SYNE3: variants seen among roughly 807,000 people sequenced by gnomAD.
SYNE3 encodes nesprin-3.
SYNE3 carries 100 observed loss-of-function variants against 111.2 expected under a neutral mutation model. The observed-to-expected ratio is 0.90, with a 90% confidence interval of 0.77 to 1.06. SYNE3 has a LOEUF of 1.06. Ranked by LOEUF, SYNE3 falls within the 50% of genes least tolerant of loss-of-function variation. The probability of loss-of-function intolerance (pLI) is 0.00; values close to 1 mark genes in which losing one functional copy is unlikely to be tolerated. For synonymous variants in SYNE3, 547 were observed against 533.9 expected (o/e 1.02, Z -0.34); for missense variants, 1,160 against 1,240.3 (o/e 0.94, Z 0.97).
Position 95,457,275 on chromosome 14 carries a change from C to G in SYNE3, c.691G>C (p.Glu231Gln), listed in dbSNP as rs770117088. 6 of 1,614,104 alleles carry G rather than the reference C, an allele frequency of 3.7e-6. No individual in the cohort carries two copies. Reference sequence around the variant, plus strand: ...ACCGCCTTCAGCCACAGTTGGAACTCGTCCACACCTGCCTGGTACTCCTCA... The same window carrying G: ...ACCGCCTTCAGCCACAGTTGGAACTGGTCCACACCTGCCTGGTACTCCTCA... ...EHEEYQAGVDEFQLWLKAVVE... is the reference protein window; with the variant it reads ...EHEEYQAGVDQFQLWLKAVVE... Residue 231 changes from glutamate (E) to glutamine (Q), a missense_variant, in exon 5 of 18, where the codon GAG becomes CAG. Transcript: ENST00000682763.
Position 95,466,180 on chromosome 14 carries a change from G to A in SYNE3, c.378C>T (p.Tyr126=). Reference sequence around the variant, plus strand: ...TGACCATCATCTTCTGGAACCAGCGGTAGAACTCATCTCGGGCCAGCAGGT... The same window carrying A: ...TGACCATCATCTTCTGGAACCAGCGATAGAACTCATCTCGGGCCAGCAGGT... The part of the protein sequence containing the change: ...SEYLLARDEF[Y]RWFQKMMVTL... The change falls in exon 4 of 18, where the codon TAC becomes TAT. Residue 126 remains tyrosine (Y), a synonymous_variant. Coordinates refer to ENST00000682763, the MANE Select transcript of SYNE3 (RefSeq NM_152592.6). 6.3e-7 allele frequency: 1 copy of A among 1,598,982 alleles called. No homozygotes were observed. Among genetic ancestry groups the A allele is most frequent in the South Asian group, 1.1e-5 (1 of 90,692 alleles).
At chr14:95,471,268 G>A (rs1466020645) in intron 2 of SYNE3, among the ~76,000 whole-genome samples, 1 of 152,216 alleles carries the variant, frequency 6.6e-6, no homozygotes, top group Non-Finnish European at 1.5e-5. Context: ...ACACCCAGAA[G>A]GAGCAGCCAG....
chr14:95,510,511 C>A (rs1890684231), intron 1 of SYNE3, among the ~76,000 whole-genome samples: 1 of 152,302 alleles, frequency 6.6e-6, no homozygotes, highest in East Asian at 1.9e-4. Context: ...TCAAAATGTG[C>A]AGCACTTGGT....
At chr14:95,480,419 C>G (rs150045268) in intron 1 of SYNE3, among the ~76,000 whole-genome samples, 2 of 152,132 alleles carry the variant, frequency 1.3e-5, no homozygotes, top group Non-Finnish European at 2.9e-5. Flanking sequence ...TGGAAACCCC[C>G]GAGCTGGGGC....
intron 8 of SYNE3, among the ~76,000 whole-genome samples, chr14:95,447,946 T>C (rs1886816978): frequency 2.6e-5 from 4 of 152,104 alleles, no homozygotes; most frequent in African/African-American, 9.7e-5. Context: ...ATTATGACAA[T>C]AAAAAATCAG....
intron 1 of SYNE3, among the ~76,000 whole-genome samples, chr14:95,482,074 G>T (rs1003605457): frequency 6.6e-6 from 1 of 152,216 alleles, no homozygotes; most frequent in Non-Finnish European, 1.5e-5. Flanking sequence ...GTGAGGGGCT[G>T]ATGCCCCATA....
Position 95,500,651 on chromosome 14 carries a change from C to T in SYNE3, c.-15+15945G>A, listed in dbSNP as rs1032929618. Among the ~76,000 whole-genome samples, 1 of 152,234 alleles carries T rather than the reference C, an allele frequency of 6.6e-6. No individual in the cohort carries two copies. Among genetic ancestry groups the T allele is most frequent in the South Asian group, 2.1e-4 (1 of 4,834 alleles). ...TGTGCAGCACTTGGAAGCTGAGCAA[C>T]CACCTTCATGATTCCCGCTGATCCT... On this transcript the variant is annotated intron_variant, in intron 1 of 17. Coordinates refer to ENST00000682763, the MANE Select transcript of SYNE3 (RefSeq NM_152592.6). The surrounding 1 kb of genome is among the most constrained non-coding windows in gnomAD (Gnocchi z 4.7).
intron 1 of SYNE3, among the ~76,000 whole-genome samples, chr14:95,505,319 T>G (rs1273146771): frequency 6.6e-6 from 1 of 152,218 alleles, no homozygotes; most frequent in East Asian, 1.9e-4. Context: ...ATAATCTAGC[T>G]GCACTGTCCC....
chr14:95,500,539 G>C lies in SYNE3; in HGVS notation c.-15+16057C>G, dbSNP rs927015081. Among the ~76,000 whole-genome samples the C allele has an allele frequency of 6.6e-6, 1 of 152,228 alleles. No homozygotes were observed. The highest frequency in any genetic ancestry group is 2.4e-5 in the African/African-American group (1 of 41,454). ...CTTTGCTTTGGCCCAGCCGGACTCA[G>C]CGGGAGGAGGCTGCCTTCCTCCTGG... On this transcript the variant is annotated intron_variant, in intron 1 of 17. Coordinates refer to ENST00000682763, the MANE Select transcript of SYNE3 (RefSeq NM_152592.6). This position sits in a 1 kb window ranked among gnomAD's most constrained non-coding sequence, Gnocchi z 4.7.
chr14:95,433,133 A>AGTGTGAAT, intron 16 of SYNE3, 127 bp downstream of exon 16: 1 of 1,368,840 alleles, frequency 7.3e-7, no homozygotes. Context: ...CTGAGTGGTC[A>AGTGTGAAT]CCACTGTCTG....
chr14:95,417,832 G>A lies in SYNE3; in HGVS notation c.2922C>T (p.Pro974=), dbSNP rs760503239. The part of the protein sequence containing the change: ...TLMLRYNGPP[P]T ...ACCTGTGTGCCCCAGTGGGTTAGGT[G>A]GGTGGTGGGCCATTGTAGCGCAGCA... is the stretch of plus-strand genomic sequence containing the variant. The change falls in exon 18 of 18, where the codon CCC becomes CCT. Residue 974 remains proline (P), a synonymous_variant. Coordinates refer to ENST00000682763, the MANE Select transcript of SYNE3 (RefSeq NM_152592.6). 2.5e-6 allele frequency: 4 copies of A among 1,614,252 alleles called. No homozygotes were observed. The highest frequency in any genetic ancestry group is 2.5e-6 in the Non-Finnish European group (3 of 1,180,034).
In SYNE3 at chr14:95,475,699, C is replaced by A; in HGVS notation, c.123G>T (p.Glu41Asp). 6.3e-7 allele frequency: 1 copy of A among 1,587,282 alleles called. No homozygotes were observed. The highest frequency in any genetic ancestry group is 1.2e-5 in the South Asian group (1 of 86,820). Reference protein sequence around the residue: ...DNTQGPRAALEARLWETEKIC... With the variant: ...DNTQGPRAALDARLWETEKIC... Reference sequence around the variant, plus strand: ...ATACCTCGGTCTCCCACAGCCTGGCCTCCAGGGCCGCGCGGGGTCCCTGCG... The same window carrying A: ...ATACCTCGGTCTCCCACAGCCTGGCATCCAGGGCCGCGCGGGGTCCCTGCG... Residue 41 changes from glutamate (E) to aspartate (D), a missense_variant, in exon 2 of 18, where the codon GAG (glutamate) becomes GAT (aspartate). By Grantham distance (45) the Glu-to-Asp change is conservative (BLOSUM62 2). Transcript: ENST00000682763.
At chr14:95,481,257 A>G (rs1889233652) in intron 1 of SYNE3, among the ~76,000 whole-genome samples, 1 of 152,196 alleles carries the variant, frequency 6.6e-6, no homozygotes, top group African/African-American at 2.4e-5. Flanking sequence ...CTCCAAAATA[A>G]AGTTGAACTT....
chr14:95,459,771 G>A (rs1037222980), intron 4 of SYNE3, among the ~76,000 whole-genome samples: 4 of 152,156 alleles, frequency 2.6e-5, no homozygotes, highest in Non-Finnish European at 5.9e-5. Context: ...GGAAGCCCAG[G>A]CTTAGGACCA....
intron 1 of SYNE3, among the ~76,000 whole-genome samples, chr14:95,498,332 A>T (rs1190163693): frequency 1.3e-5 from 2 of 152,164 alleles, no homozygotes; most frequent in African/African-American, 4.8e-5. Flanking sequence ...CTGGGATTCC[A>T]TTCATTTCAC....
intron 1 of SYNE3, among the ~76,000 whole-genome samples, chr14:95,479,718 T>C (rs1049714862): frequency 2.6e-5 from 4 of 151,546 alleles, no homozygotes; most frequent in Non-Finnish European, 5.9e-5. Context: ...CCAGCATGAG[T>C]TTTGAGACAG....
chr14:95,417,536 A>T lies in SYNE3; in HGVS notation c.*290T>A. 1 of 426,636 alleles carries T rather than the reference A, an allele frequency of 2.3e-6. No homozygotes were observed. Among genetic ancestry groups the T allele is most frequent in the Non-Finnish European group, 4.3e-6 (1 of 232,242 alleles). 26.4% of individuals were successfully genotyped at this position (426,636 alleles called of 1,614,324 possible). A position where few individuals can be genotyped will look rare whatever the true frequency, so the allele number is the denominator to read the frequency against. On this transcript the variant is annotated 3_prime_UTR_variant, in exon 18 of 18. Transcript: ENST00000682763. ...ATTGCTAGGAATTTTCCCAACTCCA[A>T]ATAGAACTCGTATATGAAATTATAC...
chr14:95,451,117 G>A (rs1431109606), intron 7 of SYNE3: 2 of 151,796 alleles, frequency 1.3e-5, no homozygotes, highest in African/African-American at 4.9e-5. Flanking sequence ...AAAATGGGCA[G>A]ATTCTGAAAA....
chr14:95,494,914 C>T (rs1230879746), intron 1 of SYNE3, among the ~76,000 whole-genome samples: 1 of 151,170 alleles, frequency 6.6e-6, no homozygotes, highest in African/African-American at 2.4e-5. Context: ...GGCGTTCGAG[C>T]CAGCCTGGCC....
Sources: allele counts gnomAD v4.1 joint callset (sites outside exome capture counted in the v4.1 genomes callset), GRCh38; gene constraint gnomAD v4.1.1; non-coding constraint Gnocchi (gnomAD v3.1); transcripts MANE v1.5; gene names NCBI Gene and HGNC (gene_info 2026-07-23, HGNC 2026-07-21).